Variants in EFHC2 observed in about 807,000 individuals in gnomAD.
The protein encoded by EFHC2 is EF-hand domain-containing family member C2.
EFHC2 carries 18 observed loss-of-function variants against 52.7 expected under a neutral mutation model. The observed-to-expected ratio is 0.34, with a 90% confidence interval of 0.24 to 0.51. The LOEUF (loss-of-function observed/expected upper bound fraction) is 0.51, where lower values mean the gene tolerates loss of function less well. Among genes scored for constraint, EFHC2 ranks in the 20% least tolerant of loss-of-function variants. The pLI is 0.97. For synonymous variants in EFHC2, 203 were observed against 204.1 expected (o/e 0.99, Z 0.04); for missense variants, 513 against 562.5 (o/e 0.91, Z 0.89).
intron 8 of EFHC2, among the ~76,000 whole-genome samples, chrX:44,240,340 A>G (rs1350975548): frequency 8.9e-6 from 1 of 111,735 alleles, no homozygotes; most frequent in Non-Finnish European, 1.9e-5. Flanking sequence ...ACCATTCTCC[A>G]GCCAGGACAA....
intron 13 of EFHC2, among the ~76,000 whole-genome samples, chrX:44,171,611 G>A (rs1320456518): frequency 9.0e-6 from 1 of 111,552 alleles, no homozygotes; most frequent in Non-Finnish European, 1.9e-5. Flanking sequence ...AGTAATTCTG[G>A]TTATCTCTAA....
intron 11 of EFHC2, among the ~76,000 whole-genome samples, chrX:44,227,780 T>G (rs1195008605): frequency 4.5e-5 from 5 of 111,642 alleles, no homozygotes; most frequent in African/African-American, 1.3e-4. Flanking sequence ...CTACTCTAGA[T>G]AGGATCTAGA....
At chrX:44,208,192 T>C (rs2037063466) in intron 11 of EFHC2, among the ~76,000 whole-genome samples, 3 of 112,275 alleles carry the variant, frequency 2.7e-5, no homozygotes, top group Non-Finnish European at 3.8e-5. Flanking sequence ...TCCAGTCCAC[T>C]GTTGATGGGC....
rs769659996 is a variant in EFHC2, at chrX:44,178,463, T to A, written c.1853A>T (p.Asp618Val). The stretch of plus-strand genomic sequence containing the variant: ...TTCGTGGGCCAGTGCGATTAAGAAA[T>A]CCATATCTGAACATGTGCCCTCAGG... ...RVPEGTCSDM[D>V]FLIALAHEKF... Residue 618 changes from aspartate (D) to valine (V), a missense_variant, in exon 12 of 15, where the codon GAT becomes GTT. By Grantham distance (152) the Asp-to-Val change is radical. Transcript: ENST00000420999. The A allele has an allele frequency of 2.5e-6, 3 of 1,206,100 alleles. No individual in the cohort carries two copies.
intron 8 of EFHC2, 81 bp downstream of exon 8, chrX:44,242,040 C>G: frequency 1.0e-6 from 1 of 963,230 alleles, no homozygotes; most frequent in Non-Finnish European, 1.4e-6. Flanking sequence ...TGCGTGACAT[C>G]TGTTTCGTCA....
intron 2 of EFHC2, among the ~76,000 whole-genome samples, chrX:44,287,837 G>T (rs900116788): frequency 8.9e-6 from 1 of 111,900 alleles, no homozygotes; most frequent in African/African-American, 3.2e-5. Context: ...CCTGAACCTT[G>T]GCAGTCCTTT....
At chrX:44,295,582 A>T (rs766541313) in intron 2 of EFHC2, among the ~76,000 whole-genome samples, 10 of 111,101 alleles carry the variant, frequency 9.0e-5, no homozygotes, top group Non-Finnish European at 1.9e-4. Flanking sequence ...CAGAGTGGGC[A>T]GTTGAGAAAG....
intron 3 of EFHC2, among the ~76,000 whole-genome samples, chrX:44,264,841 T>C (rs1236134431): frequency 8.9e-6 from 1 of 112,228 alleles, no homozygotes; most frequent in Non-Finnish European, 1.9e-5. Flanking sequence ...ATCAAAGAAA[T>C]GGGCAGGATA....
intron 1 of EFHC2, among the ~76,000 whole-genome samples, chrX:44,333,282 G>A (rs1388708379): frequency 7.2e-5 from 8 of 111,376 alleles, no homozygotes; most frequent in African/African-American, 9.8e-5. Flanking sequence ...TGAGATGATC[G>A]GGGAAGGCTT....
At chrX:44,311,735 C>G (rs1456689098) in intron 2 of EFHC2, among the ~76,000 whole-genome samples, 4 of 112,290 alleles carry the variant, frequency 3.6e-5, no homozygotes, top group Non-Finnish European at 7.5e-5. Flanking sequence ...GCATCACTTC[C>G]TTTCACTATT....
intron 3 of EFHC2, among the ~76,000 whole-genome samples, chrX:44,261,690 G>A (rs1221669283): frequency 1.0e-5 from 1 of 97,907 alleles, no homozygotes; most frequent in Non-Finnish European, 2.0e-5. Context: ...CACTCAATGT[G>A]AGCACACTCA....
At chrX:44,180,724 T>C (rs1461472468) in intron 11 of EFHC2, among the ~76,000 whole-genome samples, 1 of 99,926 alleles carries the variant, frequency 1.0e-5, no homozygotes, top group Non-Finnish European at 2.0e-5. Context: ...GGTGACAGAG[T>C]GAGACTCTGT....
At chrX:44,155,937 T>C (rs748364041) in intron 14 of EFHC2, among the ~76,000 whole-genome samples, 1 of 112,781 alleles carries the variant, frequency 8.9e-6, no homozygotes, top group East Asian at 2.8e-4. Flanking sequence ...GATTAGCTTA[T>C]ATTTCTATAC....
intron 11 of EFHC2, among the ~76,000 whole-genome samples, chrX:44,195,404 T>A (rs1009340950): frequency 2.7e-5 from 3 of 109,262 alleles, no homozygotes; most frequent in Non-Finnish European, 5.7e-5. Flanking sequence ...GCTAAATAAA[T>A]GTGTGTGTGT....
intron 14 of EFHC2, 104 bp downstream of exon 14, chrX:44,163,818 A>G: frequency 1.7e-6 from 1 of 589,378 alleles, no homozygotes; most frequent in Non-Finnish European, 2.7e-6. Context: ...TTCCAAAAGC[A>G]CTGATGTTAA....
At chrX:44,228,383 A>C (rs2037248685) in intron 11 of EFHC2, among the ~76,000 whole-genome samples, 1 of 112,064 alleles carries the variant, frequency 8.9e-6, no homozygotes, top group Non-Finnish European at 1.9e-5. Context: ...GTAAAAGGAC[A>C]CAAATAATAA....
chrX:44,282,692 A>C (rs111994764), intron 2 of EFHC2, among the ~76,000 whole-genome samples: 1,023 of 82,103 alleles, frequency 0.012, 9 homozygotes, highest in African/African-American at 0.023. Flanking sequence ...AAAACAAAAA[A>C]AAAACACCAC....
chrX:44,243,643 A>T (rs187697489), intron 7 of EFHC2, among the ~76,000 whole-genome samples: 1 of 112,152 alleles, frequency 8.9e-6, no homozygotes, highest in African/African-American at 3.2e-5. Context: ...AAATTTCCCC[A>T]AAAACAATCC....
At chrX:44,309,509 T>C (rs1219913619) in intron 2 of EFHC2, 1 of 1,208,076 alleles carries the variant, frequency 8.3e-7, no homozygotes, top group Admixed American at 2.2e-5. Flanking sequence ...ACAAACTCAA[T>C]GTATTGCTTC....
Sources: gnomAD v4.1 joint callset for allele counts (sites outside exome capture counted in the v4.1 genomes callset) on GRCh38, gnomAD v4.1.1 for gene constraint, MANE v1.5 for transcripts, NCBI Gene and HGNC (gene_info 2026-07-23, HGNC 2026-07-21) for gene names.